The following EDA variants were observed in gnomAD, a reference collection of about 807,000 sequenced individuals.
EDA encodes the protein ectodysplasin-A.
Under a neutral mutation model 23.6 loss-of-function variants are expected in EDA, and 2 were observed. That is an observed-to-expected ratio of 0.08 (90% CI 0.03 to 0.27). The LOEUF is 0.27. EDA is among the 10% of genes least tolerant of loss of function. The pLI is 1.00. For missense variants in EDA, 229 were observed against 324.2 expected (o/e 0.71, Z 2.26); for synonymous variants, 131 against 132.0 (o/e 0.99, Z 0.05).
At chrX:69,743,767 G>A (rs1386934267) in intron 1 of EDA, among the ~76,000 whole-genome samples, 1 of 111,745 alleles carries the variant, frequency 8.9e-6, no homozygotes. Flanking sequence ...CAATATCCAG[G>A]CATTAGTAGA....
intron 1 of EDA, among the ~76,000 whole-genome samples, chrX:69,753,059 T>C (rs2013954532): frequency 8.9e-6 from 1 of 112,094 alleles, no homozygotes; most frequent in Non-Finnish European, 1.9e-5. Flanking sequence ...TGAAGGGTTT[T>C]TTGTGTCTCT....
intron 1 of EDA, among the ~76,000 whole-genome samples, chrX:69,662,114 C>G (rs1395464853): frequency 9.0e-6 from 1 of 111,588 alleles, no homozygotes; most frequent in Non-Finnish European, 1.9e-5. Context: ...GACCTACATA[C>G]ATCTCTCCAT....
At chrX:69,669,049 G>T (rs1174979377) in intron 1 of EDA, among the ~76,000 whole-genome samples, 3 of 111,401 alleles carry the variant, frequency 2.7e-5, no homozygotes, top group African/African-American at 6.5e-5. Context: ...AAAAATTTTT[G>T]ACTGGAAGTC....
intron 2 of EDA, among the ~76,000 whole-genome samples, chrX:69,972,923 T>C (rs932656885): frequency 9.0e-5 from 10 of 111,027 alleles, no homozygotes; most frequent in African/African-American, 3.3e-4. Context: ...TCAAAATCAT[T>C]CTCTTGTAGT....
intron 1 of EDA, among the ~76,000 whole-genome samples, chrX:69,810,543 G>A (rs913896561): frequency 2.8e-5 from 3 of 107,744 alleles, no homozygotes; most frequent in Non-Finnish European, 5.8e-5. Flanking sequence ...GATCACCTGA[G>A]GTCAGGAGTT....
At chrX:69,910,757 T>A in intron 1 of EDA, among the ~76,000 whole-genome samples, 1 of 111,723 alleles carries the variant, frequency 9.0e-6, no homozygotes, top group Middle Eastern at 4.6e-3. Context: ...ATTGGATTTT[T>A]CTGTTTCAAT....
chrX:70,022,125 T>G (rs2020042027), intron 2 of EDA, among the ~76,000 whole-genome samples: 1 of 109,410 alleles, frequency 9.1e-6, no homozygotes, highest in African/African-American at 3.3e-5. Context: ...ATTTATTTCC[T>G]AGAAGGGAAA....
intron 2 of EDA, 111 bp downstream of exon 2, chrX:69,957,243 GCACTTTGGGAGGCCCACGCGGGCAGAT>G (rs2019023157): frequency 1.3e-6 from 1 of 778,706 alleles, no homozygotes; most frequent in African/African-American, 2.1e-5. Context: ...TGTAATCCTA[GCACTTTGGGAGGCCCACGCGGGCAGAT>G]CACTTGAGGT....
chrX:69,775,797 A>G (rs1193593364), intron 1 of EDA, among the ~76,000 whole-genome samples: 2 of 112,215 alleles, frequency 1.8e-5, no homozygotes, highest in Non-Finnish European at 3.8e-5. Context: ...AACATCTATT[A>G]TATTTCTGTA....
chrX:69,890,568 A>G (rs757497974), intron 1 of EDA, among the ~76,000 whole-genome samples: 1 of 111,229 alleles, frequency 9.0e-6, no homozygotes, highest in East Asian at 2.8e-4. Flanking sequence ...GACCAATGGA[A>G]CAGAATAGAG....
intron 1 of EDA, among the ~76,000 whole-genome samples, chrX:69,671,206 C>T (rs1258991376): frequency 8.9e-6 from 1 of 111,741 alleles, no homozygotes; most frequent in African/African-American, 3.3e-5. Flanking sequence ...ATGAAGACTG[C>T]AGAAGCCTCA....
chrX:69,822,297 A>C (rs948129119), intron 1 of EDA, among the ~76,000 whole-genome samples: 1 of 111,006 alleles, frequency 9.0e-6, no homozygotes. Flanking sequence ...TCTCTAAAAA[A>C]ATTAAAGAAA....
chrX:70,011,308 A>G (rs1357587059), intron 2 of EDA, among the ~76,000 whole-genome samples: 2 of 108,514 alleles, frequency 1.8e-5, no homozygotes. Context: ...TACTACAATC[A>G]CAGAAAGCAT....
At chrX:69,679,394 A>T (rs1177932756) in intron 1 of EDA, among the ~76,000 whole-genome samples, 2 of 110,905 alleles carry the variant, frequency 1.8e-5, no homozygotes, top group East Asian at 5.7e-4. Flanking sequence ...TTCAGAAGGA[A>T]TGGTACGAGT....
intron 1 of EDA, among the ~76,000 whole-genome samples, chrX:69,887,489 TGAA>T (rs1220523479): frequency 5.4e-5 from 6 of 111,099 alleles, no homozygotes; most frequent in African/African-American, 2.0e-4. Context: ...TTAGCACACT[TGAA>T]GAGAGAAAAG....
At chrX:69,743,227 C>G (rs1295193942) in intron 1 of EDA, among the ~76,000 whole-genome samples, 1 of 111,674 alleles carries the variant, frequency 9.0e-6, no homozygotes, top group Non-Finnish European at 1.9e-5. Context: ...ACCACCATCA[C>G]CACTGCCGCC....
chrX:69,823,735 T>C (rs201355326), intron 1 of EDA, among the ~76,000 whole-genome samples: 30,792 of 86,789 alleles, frequency 0.35, 6,531 homozygotes, highest in East Asian at 0.63. Flanking sequence ...GCTTTTGTTG[T>C]CATTGCTTTT....
At chrX:69,798,386 A>C (rs747765824) in intron 1 of EDA, among the ~76,000 whole-genome samples, 2 of 111,979 alleles carry the variant, frequency 1.8e-5, no homozygotes, top group African/African-American at 6.5e-5. Flanking sequence ...AGCATGTGGA[A>C]CATTCTCCAG....
At position 69,616,422 on chromosome X, in the gene EDA, C is replaced by G; in HGVS notation, c.114C>G (p.Asn38Lys). Residue 38 changes from asparagine to lysine, a missense_variant, in exon 1 of 8, where the codon AAC (asparagine) becomes AAG (lysine). Physicochemically the swap from Asn to Lys is moderately conservative, Grantham distance 94. Transcript: ENST00000374552. The part of the protein sequence containing the change: ...GGAPARAGEG[N>K]SCLLFLGFFG... ...CCCCTGCCCGGGCGGGCGAAGGGAA[C>G]AGCTGCCTGCTCTTCCTGGGTTTCT... The G allele has an allele frequency of 8.3e-7, 1 of 1,211,126 alleles. No individual in the cohort carries two copies. Among genetic ancestry groups the G allele is most frequent in the Non-Finnish European group, 1.1e-6 (1 of 895,348 alleles).
Sources: gnomAD v4.1 joint callset for allele counts (sites outside exome capture counted in the v4.1 genomes callset) on GRCh38, gnomAD v4.1.1 for gene constraint, MANE v1.5 for transcripts, NCBI Gene and HGNC (gene_info 2026-07-23, HGNC 2026-07-21) for gene names.